The following ZC3H12B variants were observed in gnomAD, a reference collection of about 807,000 sequenced individuals.
ZC3H12B encodes zinc finger CCCH-type containing 12B, also known as probable ribonuclease ZC3H12B.
A neutral mutation model predicts 43.9 loss-of-function variants in ZC3H12B; 7 were observed. The ratio of observed to expected loss-of-function variants is 0.16; its 90% CI spans 0.09 to 0.30. The LOEUF (loss-of-function observed/expected upper bound fraction) is 0.30, where lower values mean the gene tolerates loss of function less well. Ranked by LOEUF, ZC3H12B falls within the 10% of genes least tolerant of loss-of-function variation. ZC3H12B has a pLI of 1.00. For missense variants in ZC3H12B, 475 were observed against 670.2 expected (o/e 0.71, Z 3.22); for synonymous variants, 222 against 241.7 (o/e 0.92, Z 0.76).
intron 2 of ZC3H12B, among the ~76,000 whole-genome samples, chrX:65,380,685 C>T (rs753657697): frequency 5.4e-5 from 6 of 111,499 alleles, no homozygotes; most frequent in Non-Finnish European, 1.1e-4. Flanking sequence ...GAGTCAAGAC[C>T]CATCAGTGTG....
intron 2 of ZC3H12B, among the ~76,000 whole-genome samples, chrX:65,370,267 T>C (rs2054247286): frequency 9.0e-6 from 1 of 111,577 alleles, no homozygotes; most frequent in African/African-American, 3.3e-5. Context: ...TCATAGGCCA[T>C]TATGGTATAG....
At position 65,389,292 on chromosome X, in the gene ZC3H12B, C is replaced by T. The variant is rs761688853; in HGVS notation, n.296-9301C>T. Among the ~76,000 whole-genome samples the T allele has an allele frequency of 6.1e-4, 69 of 112,214 alleles. No individual in the cohort carries two copies. In the South Asian group the frequency reaches 0.012, roughly 20 times the overall value. ...GCTGTGGTGGGCTCCACCCAGTTCG[C>T]GCTTCCCAGCTGCTTTGTTTACCTA... is the stretch of plus-strand genomic sequence containing the variant. On this transcript the variant is annotated intron_variant and non_coding_transcript_variant, in intron 2 of 5. Coordinates refer to the ZC3H12B transcript ENST00000617377.
the ZC3H12B span, among the ~76,000 whole-genome samples, chrX:65,052,190 T>C: frequency 1.2e-4 from 13 of 111,241 alleles, no homozygotes; most frequent in Non-Finnish European, 1.7e-4. Flanking sequence ...AAAATGTTTG[T>C]GGGTACATAG....
intron 2 of ZC3H12B, among the ~76,000 whole-genome samples, chrX:65,395,897 C>G (rs1167129332): frequency 9.0e-6 from 1 of 111,531 alleles, no homozygotes; most frequent in Non-Finnish European, 1.9e-5. Flanking sequence ...TATGCGACTT[C>G]TCTCACGTTT....
At position 65,408,407 on chromosome X, in the gene ZC3H12B, G is replaced by T. The variant is rs760411392; in HGVS notation, n.407+9703G>T. 1.1e-3 allele frequency: 1,337 copies of T among 1,204,669 alleles called. 1 individual carries two copies. The highest frequency in any genetic ancestry group is 1.4e-3 in the Non-Finnish European group (1,254 of 890,171). On this transcript the variant is annotated intron_variant and non_coding_transcript_variant, in intron 3 of 5. Coordinates refer to the ZC3H12B transcript ENST00000617377. The stretch of plus-strand genomic sequence containing the variant: ...TCAACAACAGGTGGCCCAGGCTGTC[G>T]AACGTGCCAAACAGGTGACCATGGC...
the ZC3H12B span, among the ~76,000 whole-genome samples, chrX:65,044,446 G>T: frequency 9.0e-6 from 1 of 111,444 alleles, no homozygotes; most frequent in Admixed American, 9.6e-5. Context: ...AGGAATTTGG[G>T]ATTTTATTCT....
the ZC3H12B span, among the ~76,000 whole-genome samples, chrX:65,129,951 T>C: frequency 1.8e-5 from 2 of 111,285 alleles, no homozygotes; most frequent in Non-Finnish European, 3.8e-5. Context: ...GATATGGTTT[T>C]GTATGAATTG....
At chrX:65,038,100 C>T in the ZC3H12B span, among the ~76,000 whole-genome samples, 1 of 110,951 alleles carries the variant, frequency 9.0e-6, no homozygotes, top group African/African-American at 3.3e-5. Context: ...AGAAAAATAA[C>T]GAGGTATGGA....
At chrX:65,348,184 A>T in the ZC3H12B span, among the ~76,000 whole-genome samples, 2 of 112,285 alleles carry the variant, frequency 1.8e-5, no homozygotes, top group African/African-American at 6.5e-5. Context: ...TACATATGTA[A>T]CAAGCCTGCA....
the ZC3H12B span, among the ~76,000 whole-genome samples, chrX:65,244,727 CAAAAA>C: frequency 5.5e-3 from 112 of 20,353 alleles, no homozygotes; most frequent in African/African-American, 0.021. Context: ...AATACCTTGC[CAAAAA>C]AAAAAAAAAA....
intron 2 of ZC3H12B, among the ~76,000 whole-genome samples, chrX:65,379,951 A>G (rs1239122411): frequency 6.2e-5 from 7 of 112,168 alleles, no homozygotes; most frequent in Non-Finnish European, 1.1e-4. Flanking sequence ...GAAATATGGG[A>G]CTATGTGAAA....
the ZC3H12B span, among the ~76,000 whole-genome samples, chrX:65,080,066 A>G: frequency 3.7e-5 from 4 of 109,532 alleles, no homozygotes; most frequent in Non-Finnish European, 3.8e-5. Flanking sequence ...TTCTGGAACT[A>G]AAAAATTCAG....
intron 2 of ZC3H12B, among the ~76,000 whole-genome samples, chrX:65,396,810 T>A (rs958043701): frequency 9.0e-6 from 1 of 110,952 alleles, no homozygotes; most frequent in Non-Finnish European, 1.9e-5. Context: ...GGTGTTAAAG[T>A]CTCCCACTAT....
At chrX:65,052,546 C>T in the ZC3H12B span, among the ~76,000 whole-genome samples, 5 of 111,127 alleles carry the variant, frequency 4.5e-5, no homozygotes, top group Admixed American at 4.8e-4. Flanking sequence ...TCTTTCTGTG[C>T]CTGGCTTATT....
chrX:65,168,981 A>G, the ZC3H12B span, among the ~76,000 whole-genome samples: 2 of 111,412 alleles, frequency 1.8e-5, no homozygotes, highest in African/African-American at 6.5e-5. Flanking sequence ...TTTTCAAAAA[A>G]ACAAATCCTG....
At chrX:65,331,166 G>A in the ZC3H12B span, 5 of 228,965 alleles carry the variant, frequency 2.2e-5, no homozygotes, top group African/African-American at 1.2e-4. Context: ...ATAAAAAAGG[G>A]GTCCAAGAGA....
the ZC3H12B span, among the ~76,000 whole-genome samples, chrX:65,294,512 A>T: frequency 9.0e-6 from 1 of 111,666 alleles, no homozygotes; most frequent in Admixed American, 9.5e-5. Context: ...TCACTTCTCA[A>T]TACTAATGTT....
At chrX:65,251,862 A>G in the ZC3H12B span, among the ~76,000 whole-genome samples, 2 of 111,582 alleles carry the variant, frequency 1.8e-5, no homozygotes, top group Non-Finnish European at 3.8e-5. Flanking sequence ...TTCTAGATAT[A>G]CAATCATGTC....
At chrX:65,176,884 A>T in the ZC3H12B span, among the ~76,000 whole-genome samples, 1 of 111,373 alleles carries the variant, frequency 9.0e-6, no homozygotes, top group East Asian at 2.8e-4. Context: ...TTCTGAAACT[A>T]CTCCAAACAA....
Sources: allele counts gnomAD v4.1 joint callset (sites outside exome capture counted in the v4.1 genomes callset), GRCh38; gene constraint gnomAD v4.1.1; transcripts MANE v1.5; gene names NCBI Gene and HGNC (gene_info 2026-07-23, HGNC 2026-07-21).